GRM7: variants seen among roughly 807,000 people sequenced by gnomAD.
The protein encoded by GRM7 is metabotropic glutamate receptor 7.
GRM7 carries 35 observed loss-of-function variants against 84.5 expected under a neutral mutation model. That is an observed-to-expected ratio of 0.41 (90% CI 0.32 to 0.55). The LOEUF (loss-of-function observed/expected upper bound fraction) is 0.55, where lower values mean the gene tolerates loss of function less well. Ranked by LOEUF, GRM7 falls within the 20% of genes least tolerant of loss-of-function variation. The pLI is 0.19. For synonymous variants in GRM7, 487 were observed against 455.1 expected (o/e 1.07, Z -0.89); for missense variants, 1,003 against 1,194.6 (o/e 0.84, Z 2.36).
chr3:6,888,371 C>A (rs188518369), intron 1 of GRM7, among the ~76,000 whole-genome samples: 11 of 152,202 alleles, frequency 7.2e-5, no homozygotes, highest in African/African-American at 2.6e-4. Context: ...TTATGTCTAA[C>A]GTTTAAGTCT....
At position 7,431,922 on chromosome 3, in the gene GRM7, G is replaced by GT. The variant is rs113471500; in HGVS notation, c.1174+16766dup. On this transcript the variant is annotated intron_variant, in intron 5 of 9. Transcript: ENST00000357716. ...TTAAGGTTTAAATACCTAGCAGGAT[G>GT]TTTTTTTATTTTTCTTTAGTCCTGA... Among the ~76,000 whole-genome samples, 1,322 of 151,950 alleles carry GT rather than the reference G, an allele frequency of 8.7e-3. 14 individuals carry two copies. The highest frequency in any genetic ancestry group is 0.015 in the Non-Finnish European group (1,003 of 67,942).
chr3:7,432,451 G>A (rs1696868982), intron 5 of GRM7, among the ~76,000 whole-genome samples: 1 of 152,082 alleles, frequency 6.6e-6, no homozygotes, highest in South Asian at 2.1e-4. Flanking sequence ...CTCCCGAGTA[G>A]CTGGGACTAC....
At chr3:7,320,982 T>G (rs1373938331) in intron 4 of GRM7, among the ~76,000 whole-genome samples, 1 of 151,954 alleles carries the variant, frequency 6.6e-6, no homozygotes, top group East Asian at 1.9e-4. Flanking sequence ...AATTCACATT[T>G]TTGCACAATT....
At chr3:7,585,347 T>C (rs1695471447) in intron 8 of GRM7, among the ~76,000 whole-genome samples, 1 of 152,152 alleles carries the variant, frequency 6.6e-6, no homozygotes, top group African/African-American at 2.4e-5. Flanking sequence ...TCGCTTGGGA[T>C]GGTGCAGTCG....
At chr3:7,181,907 A>G (rs1695350705) in intron 2 of GRM7, among the ~76,000 whole-genome samples, 1 of 152,150 alleles carries the variant, frequency 6.6e-6, no homozygotes, top group South Asian at 2.1e-4. Flanking sequence ...CACCTCTCTC[A>G]GCTAAAATAA....
intron 1 of GRM7, among the ~76,000 whole-genome samples, chr3:6,996,515 C>A (rs992636627): frequency 6.6e-6 from 1 of 152,140 alleles, no homozygotes; most frequent in African/African-American, 2.4e-5. Context: ...GTTCTCTGGA[C>A]AATGTCATAC....
intron 1 of GRM7, among the ~76,000 whole-genome samples, chr3:7,015,862 T>C (rs1695546239): frequency 6.6e-6 from 1 of 152,160 alleles, no homozygotes; most frequent in Non-Finnish European, 1.5e-5. Context: ...TAACTTAGTC[T>C]CAGAAGTCAT....
chr3:7,410,447 C>T (rs962379893), intron 4 of GRM7, among the ~76,000 whole-genome samples: 1 of 152,056 alleles, frequency 6.6e-6, no homozygotes, highest in Non-Finnish European at 1.5e-5. Context: ...GTGGTGCCCA[C>T]CTGTGGTCCC....
intron 1 of GRM7, among the ~76,000 whole-genome samples, chr3:7,112,047 TA>T (rs2125035179): frequency 6.6e-6 from 1 of 152,204 alleles, no homozygotes; most frequent in African/African-American, 2.4e-5. Flanking sequence ...GGCAGAAGTG[TA>T]AAAGGCAGGA....
intron 2 of GRM7, among the ~76,000 whole-genome samples, chr3:7,263,046 G>T (rs1294878773): frequency 6.6e-6 from 1 of 152,172 alleles, no homozygotes. Flanking sequence ...ACTCATTTTT[G>T]TGGGCTGATT....
At chr3:7,635,777 G>T (rs1320246733) in intron 8 of GRM7, among the ~76,000 whole-genome samples, 1 of 152,096 alleles carries the variant, frequency 6.6e-6, no homozygotes, top group Non-Finnish European at 1.5e-5. Context: ...GGACTCAAGC[G>T]ATCTTCCTGC....
intron 1 of GRM7, among the ~76,000 whole-genome samples, chr3:6,898,803 A>G (rs1260544181): frequency 6.8e-6 from 1 of 147,978 alleles, no homozygotes; most frequent in Non-Finnish European, 1.5e-5. Context: ...GGGCAGCAGT[A>G]TGAGATTCTA....
rs535564599 is a variant in GRM7 at position 7,489,442 on chromosome 3, G to A, written c.1515+27720G>A. ...CTAATTTAAATCTCACACAAGTACT[G>A]ACCAGCTAATAGGAGGCAGTGTTAG... On this transcript the variant is annotated intron_variant, in intron 7 of 9. Transcript: ENST00000357716. Among the ~76,000 whole-genome samples the A allele has an allele frequency of 3.3e-5, 5 of 152,158 alleles. No homozygotes were observed. The South Asian group carries it at 8.3e-4, about 25-fold the overall frequency.
chr3:7,109,776 A>G (rs1692780292), intron 1 of GRM7, among the ~76,000 whole-genome samples: 1 of 152,154 alleles, frequency 6.6e-6, no homozygotes, highest in Non-Finnish European at 1.5e-5. Context: ...AATTATGTGC[A>G]GGTAATACCA....
At chr3:7,110,429 C>A (rs1000341015) in intron 1 of GRM7, among the ~76,000 whole-genome samples, 8 of 151,922 alleles carry the variant, frequency 5.3e-5, no homozygotes, top group Admixed American at 4.6e-4. Flanking sequence ...GGTGAAACCC[C>A]ATTTCTACTA....
intron 7 of GRM7, among the ~76,000 whole-genome samples, chr3:7,557,139 GA>G (rs1693804183): frequency 6.6e-6 from 1 of 152,110 alleles, no homozygotes. Context: ...GATGTGTGTG[GA>G]TCAGAATGGA....
intron 2 of GRM7, among the ~76,000 whole-genome samples, chr3:7,239,001 TTC>T: frequency 2.7e-5 from 4 of 146,844 alleles, no homozygotes; most frequent in East Asian, 2.0e-4. Context: ...TTTTTCCTTT[TTC>T]TTTTTTTTGA....
chr3:7,263,272 C>G (rs1698506294), intron 2 of GRM7, among the ~76,000 whole-genome samples: 1 of 152,134 alleles, frequency 6.6e-6, no homozygotes, highest in African/African-American at 2.4e-5. Flanking sequence ...TTTTTGACTC[C>G]TCAAGGTTGG....
At chr3:7,271,589 A>T (rs1313410743) in intron 2 of GRM7, among the ~76,000 whole-genome samples, 1 of 148,388 alleles carries the variant, frequency 6.7e-6, no homozygotes, top group Non-Finnish European at 1.5e-5. Context: ...AAAAAAAGAA[A>T]TGCAGAATCT....
Sources: gnomAD v4.1 joint callset for allele counts (sites outside exome capture counted in the v4.1 genomes callset) on GRCh38, gnomAD v4.1.1 for gene constraint, MANE v1.5 for transcripts, NCBI Gene and HGNC (gene_info 2026-07-23, HGNC 2026-07-21) for gene names.